The following OPCML variants were observed in gnomAD, a reference collection of about 807,000 sequenced individuals.
OPCML encodes the protein opioid binding protein/cell adhesion molecule like.
Under a neutral mutation model 37.8 loss-of-function variants are expected in OPCML, and 13 were observed. The observed-to-expected ratio is 0.34, with a 90% CI of 0.22 to 0.55. The LOEUF (loss-of-function observed/expected upper bound fraction) is 0.55. Among genes scored for constraint, OPCML ranks in the 20% least tolerant of loss-of-function variants. The pLI, the probability that OPCML is intolerant of heterozygous loss-of-function variation, is 0.91. For synonymous variants in OPCML, 176 were observed against 168.8 expected, an observed-to-expected ratio of 1.04 and a Z score of -0.33; for missense variants, 341 against 435.6, an observed-to-expected ratio of 0.78 and a Z score of 1.93.
At chr11:132,873,776 A>C (rs1565927455) in intron 2 of OPCML, among the ~76,000 whole-genome samples, 1 of 152,168 alleles carries the variant, frequency 6.6e-6, no homozygotes, top group African/African-American at 2.4e-5. Flanking sequence ...AAGATAACAA[A>C]AAAGTAAAGA....
chr11:132,752,879 C>G (rs1221004810), intron 2 of OPCML, among the ~76,000 whole-genome samples: 1 of 152,136 alleles, frequency 6.6e-6, no homozygotes, highest in East Asian at 1.9e-4. Flanking sequence ...TTGAGTCCAC[C>G]TTCTAAACAA....
intron 1 of OPCML, among the ~76,000 whole-genome samples, chr11:133,342,005 C>T (rs1040743303): frequency 1.3e-5 from 2 of 152,114 alleles, no homozygotes; most frequent in Non-Finnish European, 2.9e-5. Flanking sequence ...AGCACTCTTT[C>T]TTGAGTCCCA....
chr11:132,731,560 C>G (rs1377725311), intron 2 of OPCML, among the ~76,000 whole-genome samples: 4 of 152,110 alleles, frequency 2.6e-5, no homozygotes, highest in African/African-American at 4.8e-5. Flanking sequence ...TATAATTCAC[C>G]CACTACATTC....
chr11:132,550,454 T>A (rs1210540403), intron 3 of OPCML, among the ~76,000 whole-genome samples: 1 of 152,160 alleles, frequency 6.6e-6, no homozygotes, highest in Non-Finnish European at 1.5e-5. Context: ...TCTGGCCACG[T>A]GAAGTGCTCG....
chr11:133,452,715 T>C (rs1414554985), intron 1 of OPCML, among the ~76,000 whole-genome samples: 1 of 151,584 alleles, frequency 6.6e-6, no homozygotes, highest in East Asian at 1.9e-4. Flanking sequence ...ACTACAAACA[T>C]CTCTACATGA....
chr11:133,191,008 G>A (rs76703859), intron 1 of OPCML, among the ~76,000 whole-genome samples: 2,987 of 151,436 alleles, frequency 0.02, 53 homozygotes, highest in Non-Finnish European at 0.03. Flanking sequence ...TATGTCTCGG[G>A]GTGGAATTAC....
chr11:133,028,985 C>A (rs1947616786), intron 1 of OPCML, among the ~76,000 whole-genome samples: 1 of 150,702 alleles, frequency 6.6e-6, no homozygotes, highest in Non-Finnish European at 1.5e-5. Context: ...AACTAATATC[C>A]AGAATCTACA....
At chr11:132,470,466 G>T (rs2096134474) in intron 4 of OPCML, among the ~76,000 whole-genome samples, 1 of 152,206 alleles carries the variant, frequency 6.6e-6, no homozygotes, top group Non-Finnish European at 1.5e-5. Flanking sequence ...ACAGGAAAAT[G>T]CAGGATTCTG....
At chr11:132,914,925 TTA>T (rs1267984108) in intron 2 of OPCML, among the ~76,000 whole-genome samples, 1 of 152,222 alleles carries the variant, frequency 6.6e-6, no homozygotes, top group African/African-American at 2.4e-5. Flanking sequence ...CTGATTTGCT[TTA>T]TGAGACAAAT....
rs11340177 is a variant in OPCML at position 132,710,688 on chromosome 11, C to CAA, written c.147-53371_147-53370dup. ...GCCAACATGTATCTACTAAAAAATA[C>CAA]AAAAAAAAAAAAAAAAATTAGCCAG... On this transcript the variant is annotated intron_variant, in intron 2 of 7. Coordinates refer to ENST00000524381, the MANE Select transcript of OPCML (RefSeq NM_001012393.5). Among the ~76,000 whole-genome samples the CAA allele has an allele frequency of 6.3e-3, 850 of 135,306 alleles. 10 individuals carry two copies. The highest frequency in any genetic ancestry group is 0.021 in the African/African-American group (802 of 37,750). 88.8% of individuals were successfully genotyped at this position (135,306 alleles called of 152,430 possible).
At chr11:133,299,098 C>A (rs183046662) in intron 1 of OPCML, 2 of 152,190 alleles carry the variant, frequency 1.3e-5, no homozygotes, top group Non-Finnish European at 2.9e-5. Flanking sequence ...CCAAATGCAC[C>A]TAATCCCCTC....
Position 132,420,176 on chromosome 11 carries a change from G to T in OPCML, c.*17C>A, listed in dbSNP as rs778597510. 1 of 1,611,628 alleles carries T rather than the reference G, an allele frequency of 6.2e-7. No homozygotes were observed. Among genetic ancestry groups the T allele is most frequent in the Admixed American group, 1.7e-5 (1 of 60,002 alleles). The stretch of plus-strand genomic sequence containing the variant: ...TATGGAGAAGCAGGCGTTGCTCAGA[G>T]GACCTAGGATTTCTTATCAAAACTT... On this transcript the variant is annotated 3_prime_UTR_variant, in exon 8 of 8. Coordinates refer to ENST00000524381, the MANE Select transcript of OPCML (RefSeq NM_001012393.5).
intron 1 of OPCML, among the ~76,000 whole-genome samples, chr11:133,387,737 C>T (rs567684729): frequency 2.6e-5 from 4 of 152,250 alleles, no homozygotes; most frequent in East Asian, 1.9e-4. Context: ...GCTTGCGATT[C>T]GACTGAAGAA....
intron 1 of OPCML, among the ~76,000 whole-genome samples, chr11:133,112,044 G>T (rs1044418224): frequency 1.3e-5 from 2 of 151,988 alleles, no homozygotes; most frequent in African/African-American, 4.8e-5. Context: ...CTTCACGCTG[G>T]TTCTTAGAAA....
Position 133,014,916 on chromosome 11 carries a change from C to T in OPCML, c.62-71906G>A, listed in dbSNP as rs574775466. On this transcript the variant is annotated intron_variant, in intron 1 of 7. Coordinates refer to ENST00000524381, the MANE Select transcript of OPCML (RefSeq NM_001012393.5). The stretch of plus-strand genomic sequence containing the variant: ...AACTCTTGCATAATTCTCCCAAATT[C>T]CCACAGACAGAAGAATAGAGGAATG... Among the ~76,000 whole-genome samples the T allele has an allele frequency of 2.1e-3, 325 of 152,218 alleles. 1 individual carries two copies. The highest frequency in any genetic ancestry group is 3.4e-3 in the Admixed American group (52 of 15,272).
chr11:133,281,908 T>G (rs1942168752), intron 1 of OPCML, among the ~76,000 whole-genome samples: 1 of 152,076 alleles, frequency 6.6e-6, no homozygotes, highest in African/African-American at 2.4e-5. Flanking sequence ...AAGGTTGAAC[T>G]TAAGAGTGAC....
chr11:133,340,600 G>A (rs1399748946), intron 1 of OPCML, among the ~76,000 whole-genome samples: 1 of 125,784 alleles, frequency 8.0e-6, no homozygotes, highest in Non-Finnish European at 1.6e-5. Context: ...CACAAATTAA[G>A]ACTCTCTCTG....
chr11:133,422,190 C>G, intron 1 of OPCML: 1 of 983,884 alleles, frequency 1.0e-6, no homozygotes, highest in Non-Finnish European at 1.2e-6. Context: ...TCCCTGCAAA[C>G]AAAGGGCTCT....
intron 2 of OPCML, among the ~76,000 whole-genome samples, chr11:132,802,510 C>G (rs1412693786): frequency 6.6e-6 from 1 of 152,194 alleles, no homozygotes; most frequent in Non-Finnish European, 1.5e-5. Context: ...TTCTTAGAAA[C>G]AATTTCTGAC....
Sources: gnomAD v4.1 joint callset for allele counts (sites outside exome capture counted in the v4.1 genomes callset) on GRCh38, gnomAD v4.1.1 for gene constraint, MANE v1.5 for transcripts, NCBI Gene and HGNC (gene_info 2026-07-23, HGNC 2026-07-21) for gene names.